CMKLR2: variants seen among roughly 807,000 people sequenced by gnomAD.
The protein encoded by CMKLR2 is chemerin chemokine-like receptor 2, also known as chemerin-like receptor 2.
Under a neutral mutation model 23.0 loss-of-function variants are expected in CMKLR2, and 18 were observed. The ratio of observed to expected loss-of-function variants is 0.78; its 90% CI spans 0.54 to 1.16. The LOEUF (loss-of-function observed/expected upper bound fraction) is 1.16, where lower values mean the gene tolerates loss of function less well. Among genes scored for constraint, CMKLR2 ranks in the 50% most tolerant of loss-of-function variants. The pLI is 0.00. For synonymous variants in CMKLR2, 158 were observed against 158.9 expected, an observed-to-expected ratio of 0.99 and a Z score of 0.05; for missense variants, 401 against 412.7, an observed-to-expected ratio of 0.97 and a Z score of 0.25.
chr2:206,205,128 G>T (rs1689263619), intron 1 of CMKLR2, among the ~76,000 whole-genome samples: 1 of 152,150 alleles, frequency 6.6e-6, no homozygotes, highest in South Asian at 2.1e-4. Flanking sequence ...TAACTAAAAA[G>T]AAGTGGTCAT....
intron 1 of CMKLR2, among the ~76,000 whole-genome samples, chr2:206,189,961 T>G (rs765851560): frequency 2.0e-5 from 3 of 152,078 alleles, no homozygotes; most frequent in Non-Finnish European, 2.9e-5. Flanking sequence ...TTGGAAGGCG[T>G]TGAGGCACAG....
chr2:206,217,301 C>T (rs1689784984), upstream of CMKLR2: 1 of 152,140 alleles, frequency 6.6e-6, no homozygotes, highest in Admixed American at 6.5e-5. Context: ...GAGGCCCTTA[C>T]TTGGTTAAAC....
chr2:206,211,972 G>A (rs866875371), intron 1 of CMKLR2, among the ~76,000 whole-genome samples: 1 of 151,242 alleles, frequency 6.6e-6, no homozygotes, highest in African/African-American at 2.4e-5. Flanking sequence ...ATTAAATTTT[G>A]TTTTCTCTTG....
chr2:206,190,202 T>A (rs988547083), intron 1 of CMKLR2, among the ~76,000 whole-genome samples: 6 of 152,172 alleles, frequency 3.9e-5, no homozygotes, highest in Non-Finnish European at 8.8e-5. Context: ...CAAATGACAA[T>A]ATTCTTTGGT....
upstream of CMKLR2, chr2:206,217,678 T>A (rs1689798309): frequency 6.6e-6 from 1 of 152,234 alleles, no homozygotes; most frequent in Non-Finnish European, 1.5e-5. Context: ...ACTTTTAATA[T>A]GCCAAATACG....
upstream of CMKLR2, among the ~76,000 whole-genome samples, chr2:206,216,359 G>T (rs1689753273): frequency 1.3e-5 from 2 of 152,184 alleles, no homozygotes; most frequent in African/African-American, 2.4e-5. Flanking sequence ...GGAGGCTGAG[G>T]CAGGAGACCT....
At position 206,177,186 on chromosome 2, in the gene CMKLR2, T is replaced by C; in HGVS notation, c.62A>G (p.Tyr21Cys). Reference protein sequence around the residue: ...EFENYSYDLDYYSLESDLEEK... With the variant: ...EFENYSYDLDCYSLESDLEEK... Reference sequence around the variant, plus strand: ...CTCCAAATCAGACTCCAGAGAGTAATAGTCTAGGTCATAGGAATAGTTTTC... The same window carrying C: ...CTCCAAATCAGACTCCAGAGAGTAACAGTCTAGGTCATAGGAATAGTTTTC... The change falls in exon 2 of 2, where the codon TAT (tyrosine) becomes TGT (cysteine). Residue 21 changes from tyrosine (Y) to cysteine (C), a missense_variant. Physicochemically the swap from Tyr to Cys is radical, Grantham distance 194. Transcript: ENST00000621141. The C allele has an allele frequency of 1.2e-6, 2 of 1,613,932 alleles. No homozygotes were observed. The highest frequency in any genetic ancestry group is 2.2e-5 in the East Asian group (1 of 44,882).
intron 1 of CMKLR2, among the ~76,000 whole-genome samples, chr2:206,210,398 T>C (rs796085789): frequency 1.3e-5 from 2 of 152,266 alleles, no homozygotes; most frequent in African/African-American, 4.8e-5. Context: ...CAGTCTATTA[T>C]TGATGGGCAG....
intron 1 of CMKLR2, among the ~76,000 whole-genome samples, chr2:206,200,295 T>A (rs1197493761): frequency 1.3e-5 from 2 of 152,058 alleles, no homozygotes; most frequent in African/African-American, 2.4e-5. Context: ...TGGTGACACA[T>A]GCCTGTAATC....
chr2:206,184,300 C>CTTTTT (rs752263495), intron 1 of CMKLR2, among the ~76,000 whole-genome samples: 1 of 142,452 alleles, frequency 7.0e-6, no homozygotes, highest in Non-Finnish European at 1.5e-5. Context: ...CTCTCTCTCT[C>CTTTTT]TTTTTTTTTT....
In CMKLR2 at chr2:206,209,685, G is replaced by A. The variant is rs186008705; in HGVS notation, c.-29+3622C>T. Among the ~76,000 whole-genome samples the A allele has an allele frequency of 6.9e-3, 957 of 138,772 alleles. 3 individuals carry two copies. The highest frequency in any genetic ancestry group is 0.01 in the Non-Finnish European group (680 of 66,060). The allele number at this position is 138,772 out of a possible 152,430, so 91.0% of individuals were successfully genotyped here. A position where few individuals can be genotyped will look rare whatever the true frequency, so the allele number is the denominator to read the frequency against. ...TTTTTTTGAGACGGAGTCTTGCTGT[G>A]TTGCCCAGGCTGGAGTGCAGTGGCA... On this transcript the variant is annotated intron_variant, in intron 1 of 1. Coordinates refer to ENST00000621141, the MANE Select transcript of CMKLR2 (RefSeq NM_001389445.1).
rs941064280 is a variant in CMKLR2 at position 206,176,986 on chromosome 2, G to C, written c.262C>G (p.Leu88Val). The change falls in exon 2 of 2, where the codon CTC becomes GTC. Residue 88 changes from leucine (L) to valine (V), a missense_variant. Transcript: ENST00000621141. Reference protein sequence around the residue: ...NLAIADFIFLLFLPLYISYVA... With the variant: ...NLAIADFIFLVFLPLYISYVA... ...TAGGAGATGTACAGGGGCAGAAAGA[G>C]AAGAAAAATGAAATCCGCAATGGCT... 1 of 1,614,234 alleles carries C rather than the reference G, an allele frequency of 6.2e-7. No individual in the cohort carries two copies. The highest frequency in any genetic ancestry group is 1.7e-5 in the Admixed American group (1 of 60,028).
chr2:206,203,561 T>C (rs963157300), intron 1 of CMKLR2: 1 of 152,154 alleles, frequency 6.6e-6, no homozygotes, highest in Non-Finnish European at 1.5e-5. Flanking sequence ...GTCCTGGAAA[T>C]GGTGGCGCGC....
upstream of CMKLR2, chr2:206,217,456 T>C (rs186129954): frequency 6.6e-6 from 1 of 152,168 alleles, no homozygotes; most frequent in Admixed American, 6.6e-5. Flanking sequence ...AGAGAATTCT[T>C]AAAGGCTTCT....
At chr2:206,190,030 G>C (rs1688700581) in intron 1 of CMKLR2, among the ~76,000 whole-genome samples, 1 of 152,116 alleles carries the variant, frequency 6.6e-6, no homozygotes, top group African/African-American at 2.4e-5. Context: ...GAGGTTAGAT[G>C]GAAATTGAAG....
At chr2:206,208,546 C>T (rs1018163066) in intron 1 of CMKLR2, among the ~76,000 whole-genome samples, 1 of 151,752 alleles carries the variant, frequency 6.6e-6, no homozygotes, top group African/African-American at 2.4e-5. Context: ...AATAAACAAA[C>T]AAATGTTATG....
intron 1 of CMKLR2, chr2:206,204,002 A>C (rs914235032): frequency 3.3e-5 from 5 of 152,202 alleles, no homozygotes; most frequent in African/African-American, 1.2e-4. Flanking sequence ...GAATGACAAA[A>C]GATAATATAT....
At chr2:206,214,914 C>T (rs1353769225), upstream of CMKLR2, among the ~76,000 whole-genome samples, 1 of 152,124 alleles carries the variant, frequency 6.6e-6, no homozygotes, top group Non-Finnish European at 1.5e-5. Context: ...TGTGAGCCAC[C>T]ACACCTGGCC....
At chr2:206,198,313 G>A (rs1055968793) in intron 1 of CMKLR2, among the ~76,000 whole-genome samples, 2 of 152,180 alleles carry the variant, frequency 1.3e-5, no homozygotes, top group Non-Finnish European at 1.5e-5. Flanking sequence ...ACTTAGGAGA[G>A]ATGGTTCTAA....
Sources: allele counts gnomAD v4.1 joint callset (sites outside exome capture counted in the v4.1 genomes callset), GRCh38; gene constraint gnomAD v4.1.1; transcripts MANE v1.5; gene names NCBI Gene and HGNC (gene_info 2026-07-23, HGNC 2026-07-21).